USP32: variants seen among roughly 807,000 people sequenced by gnomAD.
USP32 encodes the protein ubiquitin carboxyl-terminal hydrolase 32.
A neutral mutation model predicts 204.8 loss-of-function variants in USP32; 59 were observed. The observed-to-expected ratio is 0.29, with a 90% CI of 0.23 to 0.36. The LOEUF is 0.36. Ranked by LOEUF, USP32 falls within the 10% of genes least tolerant of loss-of-function variation. USP32 has a pLI of 1.00. For synonymous variants in USP32, 517 were observed against 678.4 expected (o/e 0.76, Z 3.70); for missense variants, 1,160 against 1,946.4 (o/e 0.60, Z 7.60).
chr17:60,293,563 G>A (rs953792817), intron 4 of USP32, among the ~76,000 whole-genome samples: 1 of 152,078 alleles, frequency 6.6e-6, no homozygotes, highest in Non-Finnish European at 1.5e-5. Flanking sequence ...TGGATAAAAC[G>A]TTAGCACCAT....
At chr17:60,206,127 T>C (rs2084819352) in intron 25 of USP32, among the ~76,000 whole-genome samples, 1 of 149,478 alleles carries the variant, frequency 6.7e-6, no homozygotes, top group South Asian at 2.1e-4. Context: ...GTGACCAGCC[T>C]AGGCAACATG....
At chr17:60,408,470 CG>C (rs1282360761) in intron 1 of USP32, among the ~76,000 whole-genome samples, 2 of 151,818 alleles carry the variant, frequency 1.3e-5, no homozygotes, top group Non-Finnish European at 2.9e-5. Context: ...CTCTGCCTCC[CG>C]GGTTCAATCG....
chr17:60,180,395 T>C, intron 33 of USP32, 150 bp downstream of exon 33: 1 of 886,314 alleles, frequency 1.1e-6, no homozygotes, highest in Non-Finnish European at 1.7e-6. Context: ...CATATAACTT[T>C]TGTTCCTTTA....
chr17:60,294,376 C>T (rs2087369929), intron 4 of USP32, among the ~76,000 whole-genome samples: 1 of 121,292 alleles, frequency 8.2e-6, no homozygotes, highest in African/African-American at 5.6e-5. Context: ...TTTCAGGTTC[C>T]TGCAGGAGTG....
At chr17:60,294,383 A>AGTGTGTGTGTGTGTGTGTGTGT (rs60195146) in intron 4 of USP32, among the ~76,000 whole-genome samples, 32 of 146,480 alleles carry the variant, frequency 2.2e-4, no homozygotes, top group African/African-American at 6.3e-4. Flanking sequence ...TTCCTGCAGG[A>AGTGTGTGTGTGTGTGTGTGTGT]GTGTGTGTGT....
intron 1 of USP32, among the ~76,000 whole-genome samples, chr17:60,346,556 T>C (rs971452720): frequency 4.6e-5 from 7 of 152,218 alleles, no homozygotes; most frequent in African/African-American, 7.2e-5. Flanking sequence ...TAGATACTTA[T>C]TATCAAAAAC....
chr17:60,291,537 A>ATGTGTGTGTGTGTGTG, intron 4 of USP32, among the ~76,000 whole-genome samples: 1 of 145,234 alleles, frequency 6.9e-6, no homozygotes. Context: ...CTGTGTGTGT[A>ATGTGTGTGTGTGTGTG]TGTGTGTGTG....
chr17:60,254,720 A>G (rs1290478992), intron 10 of USP32, among the ~76,000 whole-genome samples: 1 of 152,084 alleles, frequency 6.6e-6, no homozygotes, highest in African/African-American at 2.4e-5. Flanking sequence ...TAATAATGAT[A>G]ATAATAATAA....
intron 2 of USP32, among the ~76,000 whole-genome samples, chr17:60,338,589 G>T (rs1303451500): frequency 1.3e-5 from 2 of 152,076 alleles, no homozygotes; most frequent in Non-Finnish European, 2.9e-5. Flanking sequence ...AATTAGCTGG[G>T]CGTGGTGACA....
chr17:60,225,919 G>T (rs1486859922), intron 13 of USP32, 120 bp downstream of exon 13: 1 of 1,103,110 alleles, frequency 9.1e-7, no homozygotes, highest in Non-Finnish European at 1.2e-6. Flanking sequence ...GCGCCACTGC[G>T]CTCCAGCCTG....
intron 2 of USP32, among the ~76,000 whole-genome samples, chr17:60,330,755 C>T (rs2088361147): frequency 6.6e-6 from 1 of 152,074 alleles, no homozygotes; most frequent in African/African-American, 2.4e-5. Context: ...CTGTGTTGGC[C>T]AGGCTGGAGA....
chr17:60,333,088 G>T (rs965581377), intron 2 of USP32, among the ~76,000 whole-genome samples: 1 of 152,104 alleles, frequency 6.6e-6, no homozygotes, highest in South Asian at 2.1e-4. Flanking sequence ...ACAAATTAAA[G>T]ACTTCAATTA....
intron 18 of USP32, 90 bp downstream of exon 18, chr17:60,213,491 T>C (rs2145520541): frequency 1.7e-6 from 1 of 603,146 alleles, no homozygotes; most frequent in Non-Finnish European, 2.8e-6. Flanking sequence ...ATAATAGTTG[T>C]TTTGGAGAAA....
chr17:60,284,202 ATTTTTTCTTTTC>A (rs2087046670), intron 5 of USP32, among the ~76,000 whole-genome samples: 1 of 148,914 alleles, frequency 6.7e-6, no homozygotes, highest in African/African-American at 2.5e-5. Context: ...ATAATTCAAG[ATTTTTTCTTTTC>A]TTTTTTTTTT....
intron 6 of USP32, among the ~76,000 whole-genome samples, chr17:60,271,063 T>A (rs1289513139): frequency 6.6e-6 from 1 of 152,286 alleles, no homozygotes; most frequent in South Asian, 2.1e-4. Context: ...TAGCTACTAA[T>A]GCACCTTACT....
At position 60,271,403 on chromosome 17, in the gene USP32, A is replaced by G. The variant is rs966844761; in HGVS notation, c.650T>C (p.Leu217Ser). ...TGAAACCAATGGGCCAAATGTCTCT[A>G]AATCAAATCGTCCAGTCCGGGATTG... ...KAQSRTGRFD[L>S]ETFGPLVSPP... The change falls in exon 6 of 34, where the codon TTA becomes TCA. Residue 217 changes from leucine to serine, a missense_variant. Physicochemically the swap from Leu to Ser is moderately radical, Grantham distance 145. Coordinates refer to ENST00000300896, the MANE Select transcript of USP32 (RefSeq NM_032582.4). The G allele has an allele frequency of 6.2e-7, 1 of 1,614,162 alleles. No individual in the cohort carries two copies. The highest frequency in any genetic ancestry group is 1.3e-5 in the African/African-American group (1 of 75,058).
At chr17:60,364,902 A>T (rs554676300) in intron 1 of USP32, among the ~76,000 whole-genome samples, 1 of 152,338 alleles carries the variant, frequency 6.6e-6, no homozygotes, top group South Asian at 2.1e-4. Flanking sequence ...TTTAGACCCA[A>T]ATTTTATATT....
At chr17:60,229,469 G>A (rs2085486090) in intron 12 of USP32, among the ~76,000 whole-genome samples, 1 of 152,204 alleles carries the variant, frequency 6.6e-6, no homozygotes, top group African/African-American at 2.4e-5. Context: ...GATGTTAAGA[G>A]CTTAGAAATT....
chr17:60,383,231 G>A (rs1433586866), intron 1 of USP32, among the ~76,000 whole-genome samples: 4 of 120,908 alleles, frequency 3.3e-5, no homozygotes, highest in Non-Finnish European at 4.7e-5. Flanking sequence ...GACAGACATC[G>A]TCCCAAAAAA....
Sources: allele counts gnomAD v4.1 joint callset (sites outside exome capture counted in the v4.1 genomes callset), GRCh38; gene constraint gnomAD v4.1.1; transcripts MANE v1.5; gene names NCBI Gene and HGNC (gene_info 2026-07-23, HGNC 2026-07-21).